Variants in CACNA1C observed in about 807,000 individuals in gnomAD.
CACNA1C encodes voltage-dependent L-type calcium channel subunit alpha-1C.
CACNA1C carries 30 observed loss-of-function variants against 229.0 expected under a neutral mutation model. That is an observed-to-expected ratio of 0.13 (90% confidence interval 0.10 to 0.18). The LOEUF (loss-of-function observed/expected upper bound fraction) is 0.18. Among genes scored for constraint, CACNA1C ranks in the 10% least tolerant of loss-of-function variants. CACNA1C has a pLI of 1.00. For missense variants in CACNA1C, 1,658 were observed against 2,845.0 expected (o/e 0.58, Z 9.49); for synonymous variants, 1,114 against 1,132.5 (o/e 0.98, Z 0.33).
intron 1 of CACNA1C, among the ~76,000 whole-genome samples, chr12:1,981,963 T>C (rs1228257047): frequency 6.6e-6 from 1 of 152,050 alleles, no homozygotes; most frequent in Non-Finnish European, 1.5e-5. Flanking sequence ...CGTGCAAGAG[T>C]AGCAGCAGAT....
chr12:1,987,540 G>A (rs911060486), intron 1 of CACNA1C, among the ~76,000 whole-genome samples: 1 of 152,106 alleles, frequency 6.6e-6, no homozygotes, highest in African/African-American at 2.4e-5. Context: ...ACTGCTCCCT[G>A]AAAGCAATTT....
chr12:2,319,347 G>A lies in CACNA1C; in HGVS notation c.478-129629G>A, dbSNP rs1190513013. Among the ~76,000 whole-genome samples, 4 of 152,032 alleles carry A rather than the reference G, an allele frequency of 2.6e-5. No individual in the cohort carries two copies. The highest frequency in any genetic ancestry group is 2.0e-4 in the Admixed American group (3 of 15,266). On this transcript the variant is annotated intron_variant, in intron 3 of 46. Coordinates refer to ENST00000399655, the MANE Select transcript of CACNA1C (RefSeq NM_000719.7). The surrounding 1 kb of genome is among the most constrained non-coding windows in gnomAD (Gnocchi z 4.0). Reference sequence around the variant, plus strand: ...CCGTGCATGGTGGGCAACATACATGGGGGCAGTGTGCTTGGTAGGCAGCGT... The same window carrying A: ...CCGTGCATGGTGGGCAACATACATGAGGGCAGTGTGCTTGGTAGGCAGCGT...
chr12:2,618,555 G>A (rs532714757), intron 29 of CACNA1C, among the ~76,000 whole-genome samples: 76 of 152,362 alleles, frequency 5.0e-4, no homozygotes, highest in African/African-American at 1.8e-3. Context: ...TGAGGCAGTG[G>A]GAAGAATGCC....
At chr12:2,339,890 G>A (rs1455331749) in intron 3 of CACNA1C, among the ~76,000 whole-genome samples, 1 of 152,038 alleles carries the variant, frequency 6.6e-6, no homozygotes, top group African/African-American at 2.4e-5. Flanking sequence ...CAGACCAAAG[G>A]GATACTACTC....
chr12:2,090,662 A>T (rs530578613), intron 1 of CACNA1C, among the ~76,000 whole-genome samples: 5 of 152,306 alleles, frequency 3.3e-5, no homozygotes, highest in Admixed American at 1.3e-4. Flanking sequence ...GTCAATGGAC[A>T]TTTGGACTTG....
chr12:2,432,901 A>G (rs1044476768), intron 3 of CACNA1C, among the ~76,000 whole-genome samples: 4 of 152,084 alleles, frequency 2.6e-5, no homozygotes, highest in African/African-American at 9.7e-5. Flanking sequence ...AACCACCAGG[A>G]AGGAATTGGA....
chr12:2,470,692 G>A (rs776621840), intron 5 of CACNA1C, among the ~76,000 whole-genome samples: 3 of 152,208 alleles, frequency 2.0e-5, no homozygotes, highest in Non-Finnish European at 2.9e-5. Flanking sequence ...GATTAAATAA[G>A]TAAATGCTTT....
At chr12:2,040,581 C>G (rs1445372545) in intron 1 of CACNA1C, among the ~76,000 whole-genome samples, 1 of 152,144 alleles carries the variant, frequency 6.6e-6, no homozygotes, top group Non-Finnish European at 1.5e-5. Context: ...TTTAAGCATC[C>G]TCTTTTCAAA....
intron 3 of CACNA1C, among the ~76,000 whole-genome samples, chr12:2,370,152 A>G (rs1183052008): frequency 6.6e-6 from 1 of 152,230 alleles, no homozygotes; most frequent in East Asian, 1.9e-4. Context: ...ATAGAAACAT[A>G]AATTAAAAGA....
chr12:2,333,182 C>G (rs1475063172), intron 3 of CACNA1C, among the ~76,000 whole-genome samples: 1 of 151,058 alleles, frequency 6.6e-6, no homozygotes, highest in Non-Finnish European at 1.5e-5. Flanking sequence ...GTGCTGGGCA[C>G]TCCGGAATCT....
chr12:2,273,496 G>C (rs919045352), intron 3 of CACNA1C, among the ~76,000 whole-genome samples: 42 of 152,312 alleles, frequency 2.8e-4, no homozygotes, highest in African/African-American at 1.0e-3. Flanking sequence ...CTTTCTGTGG[G>C]CTGGGAGCTC....
At chr12:2,107,127 C>T (rs1015774474) in intron 1 of CACNA1C, among the ~76,000 whole-genome samples, 5 of 137,594 alleles carry the variant, frequency 3.6e-5, no homozygotes, top group African/African-American at 1.3e-4. Flanking sequence ...GGGTGCCCAC[C>T]CCGGGGAGGG....
Position 2,489,874 on chromosome 12 carries a change from A to C in CACNA1C, c.917-3316A>C, listed in dbSNP as rs376153693. Among the ~76,000 whole-genome samples the C allele has an allele frequency of 8.5e-5, 13 of 152,312 alleles. 3 individuals carry two copies. On this transcript the variant is annotated intron_variant, in intron 6 of 46. Transcript: ENST00000399655. ...TTCTGTCTTAAAATGTAGAACCTGCATTGCTTTGTTTCTGTCTCCCACTTC... is the reference window on the plus strand; with the variant it reads ...TTCTGTCTTAAAATGTAGAACCTGCCTTGCTTTGTTTCTGTCTCCCACTTC...
At chr12:2,382,497 G>A (rs1594785985) in intron 3 of CACNA1C, among the ~76,000 whole-genome samples, 1 of 152,216 alleles carries the variant, frequency 6.6e-6, no homozygotes, top group East Asian at 1.9e-4. Context: ...ACCACCAAAG[G>A]CAGCCACAGC....
chr12:2,672,701 C>A (rs959165764), intron 38 of CACNA1C, among the ~76,000 whole-genome samples: 1 of 152,226 alleles, frequency 6.6e-6, no homozygotes, highest in African/African-American at 2.4e-5. Context: ...CACCCTCATC[C>A]AGGATGACCT....
intron 1 of CACNA1C, among the ~76,000 whole-genome samples, chr12:1,996,639 A>AC (rs1224660736): frequency 3.4e-5 from 4 of 117,116 alleles, no homozygotes; most frequent in African/African-American, 6.9e-5. Context: ...AAAAAAAAAA[A>AC]AAAAAAAAAA....
rs2153867848 is a variant in CACNA1C, at chr12:2,688,767, C to T, written c.6105C>T (p.Ser2035=). The T allele has an allele frequency of 2.6e-6, 4 of 1,547,226 alleles. No homozygotes were observed. Among genetic ancestry groups the T allele is most frequent in the Middle Eastern group, 1.7e-4 (1 of 5,824 alleles). Residue 2035 remains serine (S), a synonymous_variant, in exon 46 of 47, where the codon AGC becomes AGT. Transcript: ENST00000399655. The stretch of plus-strand genomic sequence containing the variant: ...GGCAGTTCCACGGCAGTGCCAGCAG[C>T]CTGGTGGAAGCGGTAGGTGACTCGC... The part of the protein sequence containing the change: ...PGRQFHGSAS[S]LVEAVLISEG...
chr12:2,162,991 G>C (rs1322061975), intron 3 of CACNA1C, among the ~76,000 whole-genome samples: 2 of 152,042 alleles, frequency 1.3e-5, no homozygotes, highest in East Asian at 1.9e-4. Flanking sequence ...CCACTGACTG[G>C]AGTTCGAGAC....
intron 34 of CACNA1C, among the ~76,000 whole-genome samples, chr12:2,663,733 A>ATTTTT (rs2095887703): frequency 8.2e-6 from 1 of 122,432 alleles, no homozygotes; most frequent in African/African-American, 3.1e-5. Context: ...AGAATAGAGT[A>ATTTTT]TCTTTTTTTT....
Sources: allele counts gnomAD v4.1 joint callset (sites outside exome capture counted in the v4.1 genomes callset), GRCh38; gene constraint gnomAD v4.1.1; non-coding constraint Gnocchi (gnomAD v3.1); transcripts MANE v1.5; gene names NCBI Gene and HGNC (gene_info 2026-07-23, HGNC 2026-07-21).